Variants in APOL6 observed in about 807,000 individuals in gnomAD.
APOL6 encodes the protein apolipoprotein L6, also known as apolipoprotein L, 6.
A neutral mutation model predicts 2.4 loss-of-function variants in APOL6; 1 was observed. That is an observed-to-expected ratio of 0.41 (90% confidence interval 0.15 to 1.94). The LOEUF is 1.94. Ranked by LOEUF, APOL6 falls within the 30% of genes most tolerant of loss-of-function variation. The pLI is 0.30. For synonymous variants in APOL6, 189 were observed against 169.3 expected (o/e 1.12, Z -0.90); for missense variants, 438 against 429.2 (o/e 1.02, Z -0.18).
rs1242397863 is a variant in APOL6, at chr22:35,659,920, C to T, written c.*324C>T. The T allele has an allele frequency of 2.3e-5, 6 of 260,476 alleles. No homozygotes were observed. The highest frequency in any genetic ancestry group is 4.7e-5 in the Admixed American group (1 of 21,286). The allele number at this position is 260,476 out of a possible 1,614,324, so 16.1% of individuals were successfully genotyped here. On this transcript the variant is annotated 3_prime_UTR_variant, in exon 3 of 3. Transcript: ENST00000409652. ...AGCTGGGATTACAGGCACGCACCAC[C>T]ACGCCCAGCTAATTTTGGTATTTTT...
chr22:35,651,768 G>A (rs1202376879), intron 1 of APOL6, among the ~76,000 whole-genome samples: 1 of 152,200 alleles, frequency 6.6e-6, no homozygotes, highest in Non-Finnish European at 1.5e-5. Flanking sequence ...TGGTGTATAT[G>A]TGCCACATTT....
In APOL6 at chr22:35,667,806, G is replaced by A. The variant is rs1925229411; in HGVS notation, c.*8210G>A. ...TGTTGTTTTATTTTTTTTCTTACAG[G>A]AACTCTTGCAAGAAGAAAGGACTAT... On this transcript the variant is annotated 3_prime_UTR_variant, in exon 3 of 3. Coordinates refer to ENST00000409652, the MANE Select transcript of APOL6 (RefSeq NM_030641.4). The A allele has an allele frequency of 6.6e-6, 1 of 152,048 alleles. No individual in the cohort carries two copies. The highest frequency in any genetic ancestry group is 1.9e-4 in the East Asian group (1 of 5,190). 9.4% of individuals were successfully genotyped at this position (152,048 alleles called of 1,614,324 possible).
intron 1 of APOL6, among the ~76,000 whole-genome samples, chr22:35,650,118 G>T (rs188918886): frequency 2.5e-4 from 38 of 152,228 alleles, no homozygotes; most frequent in Admixed American, 2.4e-3. Flanking sequence ...TCTTAGCACC[G>T]ATCTCACTGG....
At chr22:35,658,225 G>C (rs1389416725) in intron 2 of APOL6, among the ~76,000 whole-genome samples, 1 of 151,998 alleles carries the variant, frequency 6.6e-6, no homozygotes, top group African/African-American at 2.4e-5. Flanking sequence ...ACTTTTCCCA[G>C]AACTCTCCCG....
At chr22:35,655,818 T>C (rs1227680934) in intron 1 of APOL6, among the ~76,000 whole-genome samples, 1 of 152,080 alleles carries the variant, frequency 6.6e-6, no homozygotes, top group East Asian at 1.9e-4. Context: ...TAAATAATTC[T>C]CAAAGAGGTA....
chr22:35,668,139 C>T lies in APOL6; in HGVS notation c.*8543C>T, dbSNP rs943043801. 1.4e-4 allele frequency: 21 copies of T among 152,172 alleles called. No individual in the cohort carries two copies. Among genetic ancestry groups the T allele is most frequent in the Non-Finnish European group, 2.5e-4 (17 of 68,014 alleles). The allele number at this position is 152,172 out of a possible 1,614,324, so 9.4% of individuals were successfully genotyped here. A position where few individuals can be genotyped will look rare whatever the true frequency, so the allele number is the denominator to read the frequency against. On this transcript the variant is annotated 3_prime_UTR_variant, in exon 3 of 3. Coordinates refer to ENST00000409652, the MANE Select transcript of APOL6 (RefSeq NM_030641.4). Reference sequence around the variant, plus strand: ...TTACAACCCAGGCATTCCTTTCTATCGATAATTACTCTTTCAACCAATTGC... The same window carrying T: ...TTACAACCCAGGCATTCCTTTCTATTGATAATTACTCTTTCAACCAATTGC...
Position 35,665,922 on chromosome 22 carries a change from A to G in APOL6, c.*6326A>G, listed in dbSNP as rs998204157. ...ATAAATTATGTATTTTTCTAACCTA[A>G]TTAATCCTTTAAGATCTTAGTTTCC... On this transcript the variant is annotated 3_prime_UTR_variant, in exon 3 of 3. Transcript: ENST00000409652. The G allele has an allele frequency of 6.6e-6, 1 of 152,192 alleles. No individual in the cohort carries two copies. Among genetic ancestry groups the G allele is most frequent in the East Asian group, 1.9e-4 (1 of 5,198 alleles). 9.4% of individuals were successfully genotyped at this position (152,192 alleles called of 1,614,324 possible).
chr22:35,656,797 A>G (rs1569134508), intron 2 of APOL6, among the ~76,000 whole-genome samples: 2 of 152,184 alleles, frequency 1.3e-5, no homozygotes, highest in Non-Finnish European at 2.9e-5. Context: ...CCATTTCTTC[A>G]GCTCATATAT....
rs1925209534 is a variant in APOL6, at chr22:35,667,202, T to A, written c.*7606T>A. The A allele has an allele frequency of 6.6e-6, 1 of 152,188 alleles. No individual in the cohort carries two copies. The highest frequency in any genetic ancestry group is 6.5e-5 in the Admixed American group (1 of 15,282). The allele number at this position is 152,188 out of a possible 1,614,324, so 9.4% of individuals were successfully genotyped here. On this transcript the variant is annotated 3_prime_UTR_variant, in exon 3 of 3. Transcript: ENST00000409652. ...AGAATGTCACTTTCTGACAGGCACA[T>A]AAGCCCCAGGTTTACCTCAGAACCT...
At chr22:35,649,735 C>T (rs1924639900) in intron 1 of APOL6, among the ~76,000 whole-genome samples, 1 of 151,672 alleles carries the variant, frequency 6.6e-6, no homozygotes, top group Non-Finnish European at 1.5e-5. Flanking sequence ...TCCCATAGGA[C>T]TAATGTAAAA....
At chr22:35,650,531 G>C (rs189367688) in intron 1 of APOL6, among the ~76,000 whole-genome samples, 3 of 152,286 alleles carry the variant, frequency 2.0e-5, no homozygotes, top group Admixed American at 6.5e-5. Context: ...TATGGTGAGC[G>C]TAAGGTGGAT....
Position 35,658,744 on chromosome 22 carries a change from C to A in APOL6, c.180C>A (p.Leu60=). 1 of 1,614,186 alleles carries A rather than the reference C, an allele frequency of 6.2e-7. No individual in the cohort carries two copies. The highest frequency in any genetic ancestry group is 1.1e-5 in the South Asian group (1 of 91,086). The change falls in exon 3 of 3, where the codon CTC becomes CTA. Residue 60 remains leucine (L), a synonymous_variant. Transcript: ENST00000409652. ...ATCTGAAAGGGAACATTGACAAGCT[C>A]CGTGCCCTCGCAGACGATATTGACA... ...KEDLKGNIDK[L]RALADDIDKT...
chr22:35,657,440 T>C (rs1924874844), intron 2 of APOL6, among the ~76,000 whole-genome samples: 1 of 152,194 alleles, frequency 6.6e-6, no homozygotes, highest in African/African-American at 2.4e-5. Flanking sequence ...TCTTTCCCAC[T>C]GAGGAATTGT....
intron 1 of APOL6, among the ~76,000 whole-genome samples, chr22:35,649,237 A>G (rs1924625394): frequency 6.6e-6 from 1 of 151,998 alleles, no homozygotes; most frequent in Admixed American, 6.6e-5. Context: ...AGAGTTTGAG[A>G]CCAGCATGGG....
chr22:35,655,805 G>A (rs972595434), intron 1 of APOL6, among the ~76,000 whole-genome samples: 4 of 151,990 alleles, frequency 2.6e-5, no homozygotes, highest in African/African-American at 9.7e-5. Context: ...GAGATCCAGG[G>A]ATTAAATAAT....
At chr22:35,650,407 T>TA (rs1313485347) in intron 1 of APOL6, among the ~76,000 whole-genome samples, 2 of 152,232 alleles carry the variant, frequency 1.3e-5, no homozygotes, top group Non-Finnish European at 2.9e-5. Flanking sequence ...TGTGTAATGA[T>TA]ACATTCGTAA....
In APOL6 at chr22:35,662,312, T is replaced by C. The variant is rs1925050252; in HGVS notation, c.*2716T>C. The C allele has an allele frequency of 6.6e-6, 1 of 152,064 alleles. No individual in the cohort carries two copies. Among genetic ancestry groups the C allele is most frequent in the Non-Finnish European group, 1.5e-5 (1 of 68,006 alleles). The allele number at this position is 152,064 out of a possible 1,614,324, so 9.4% of individuals were successfully genotyped here. On this transcript the variant is annotated 3_prime_UTR_variant, in exon 3 of 3. Transcript: ENST00000409652. Reference sequence around the variant, plus strand: ...CTTTTTCTGAGCCCTAAACACTGTGTTGGGGATGTCAACTGTGACAGGAAA... The same window carrying C: ...CTTTTTCTGAGCCCTAAACACTGTGCTGGGGATGTCAACTGTGACAGGAAA...
intron 1 of APOL6, among the ~76,000 whole-genome samples, chr22:35,655,189 A>G (rs1478271551): frequency 6.6e-6 from 1 of 152,188 alleles, no homozygotes; most frequent in South Asian, 2.1e-4. Context: ...TGTCTCCTAC[A>G]TACACTTAAG....
At chr22:35,654,538 C>A (rs575567322) in intron 1 of APOL6, among the ~76,000 whole-genome samples, 3,133 of 140,072 alleles carry the variant, frequency 0.022, 41 homozygotes, top group African/African-American at 0.042. Flanking sequence ...CTCTCTCTCT[C>A]TCTATATATA....
Sources: allele counts gnomAD v4.1 joint callset (sites outside exome capture counted in the v4.1 genomes callset), GRCh38; gene constraint gnomAD v4.1.1; transcripts MANE v1.5; gene names NCBI Gene and HGNC (gene_info 2026-07-23, HGNC 2026-07-21).